PSMA1: variants seen among roughly 807,000 people sequenced by gnomAD.
PSMA1 encodes proteasome subunit alpha type-1.
In PSMA1, 3 loss-of-function variants were observed where a neutral mutation model predicts 38.4. The ratio of observed to expected loss-of-function variants is 0.08; its 90% confidence interval spans 0.04 to 0.20. PSMA1 has a LOEUF of 0.20. Ranked by LOEUF, PSMA1 falls within the 10% of genes least tolerant of loss-of-function variation. The pLI is 1.00. For missense variants in PSMA1, 227 were observed against 325.3 expected, an observed-to-expected ratio of 0.70 and a Z score of 2.32; for synonymous variants, 101 against 107.1, an observed-to-expected ratio of 0.94 and a Z score of 0.35.
upstream of PSMA1, among the ~76,000 whole-genome samples, chr11:14,521,481 G>A (rs1851528862): frequency 7.4e-6 from 1 of 134,740 alleles, no homozygotes; most frequent in African/African-American, 2.7e-5. Flanking sequence ...GGGCAATAGA[G>A]ATTCTGTTTC....
chr11:14,541,727 G>A (rs1439563922), intron 2 of PSMA1, among the ~76,000 whole-genome samples: 6 of 152,330 alleles, frequency 3.9e-5, no homozygotes, highest in Admixed American at 3.9e-4. Flanking sequence ...TGATAAGGGA[G>A]TAGGACTGTT....
intron 2 of PSMA1, among the ~76,000 whole-genome samples, chr11:14,529,541 C>T (rs1851623194): frequency 6.6e-6 from 1 of 152,200 alleles, no homozygotes; most frequent in South Asian, 2.1e-4. Flanking sequence ...TTCCTTCCTT[C>T]TTTCAAGTTC....
In PSMA1 at chr11:14,612,340, TGTA is replaced by T. The variant is rs764477993; in HGVS notation, c.-165-1192_-165-1190del. On this transcript the variant is annotated intron_variant, in intron 1 of 10. Coordinates refer to the PSMA1 transcript ENST00000418988. Reference sequence around the variant, plus strand: ...CACAATTCTCATAAGATGTTGAAATTGTAGTATGTATTGATTCATAAGTCAGTT... The same window carrying T: ...CACAATTCTCATAAGATGTTGAAATTGTATGTATTGATTCATAAGTCAGTT... Among the ~76,000 whole-genome samples, 76 of 152,344 alleles carry T rather than the reference TGTA, an allele frequency of 5.0e-4. No individual in the cohort carries two copies. In the Middle Eastern group the frequency reaches 0.01, roughly 20 times the overall value.
chr11:14,529,121 CAAAAAAAAAAA>C (rs34346829), intron 2 of PSMA1, among the ~76,000 whole-genome samples: 1 of 56,970 alleles, frequency 1.8e-5, no homozygotes, highest in Admixed American at 2.0e-4. Context: ...GACCCTGTCT[CAAAAAAAAAAA>C]AAAAAAAAAT....
chr11:14,601,625 C>T (rs1852580917), intron 2 of PSMA1, among the ~76,000 whole-genome samples: 1 of 152,170 alleles, frequency 6.6e-6, no homozygotes, highest in Non-Finnish European at 1.5e-5. Flanking sequence ...TGTCTACATG[C>T]TCACTTTGGG....
At chr11:14,574,593 T>C (rs1305235743) in intron 2 of PSMA1, among the ~76,000 whole-genome samples, 4 of 152,178 alleles carry the variant, frequency 2.6e-5, no homozygotes, top group East Asian at 3.9e-4. Flanking sequence ...TGGGAGGTAA[T>C]TGAATGATGG....
chr11:14,637,248 C>T (rs1853121960), intron 1 of PSMA1, among the ~76,000 whole-genome samples: 1 of 152,158 alleles, frequency 6.6e-6, no homozygotes, highest in African/African-American at 2.4e-5. Context: ...CATGGCTTTG[C>T]AATACTGTTC....
chr11:14,540,945 G>T (rs973689801), intron 2 of PSMA1, among the ~76,000 whole-genome samples: 2 of 151,914 alleles, frequency 1.3e-5, no homozygotes, highest in East Asian at 1.9e-4. Flanking sequence ...GTTGTGGGGT[G>T]GGGGGAGGAG....
At chr11:14,630,023 A>G (rs1174611066) in intron 1 of PSMA1, among the ~76,000 whole-genome samples, 1 of 151,826 alleles carries the variant, frequency 6.6e-6, no homozygotes, top group Non-Finnish European at 1.5e-5. Flanking sequence ...TTGTATCCTG[A>G]GACTTTGCTG....
chr11:14,640,399 T>A (rs1181506390), intron 1 of PSMA1, among the ~76,000 whole-genome samples: 1 of 152,262 alleles, frequency 6.6e-6, no homozygotes, highest in Non-Finnish European at 1.5e-5. Context: ...CTTAATCACA[T>A]ATTTATTCTT....
intron 2 of PSMA1, among the ~76,000 whole-genome samples, chr11:14,547,800 G>C (rs1280030610): frequency 1.3e-5 from 2 of 152,210 alleles, no homozygotes; most frequent in Non-Finnish European, 2.9e-5. Context: ...AAACAGGCAA[G>C]AGAGCAGACA....
chr11:14,577,598 C>T (rs964913691), intron 2 of PSMA1, among the ~76,000 whole-genome samples: 7 of 152,138 alleles, frequency 4.6e-5, no homozygotes, highest in African/African-American at 1.7e-4. Flanking sequence ...GTAATAATAG[C>T]ATTTATATAG....
intron 1 of PSMA1, among the ~76,000 whole-genome samples, chr11:14,632,497 C>T (rs1307002709): frequency 6.8e-6 from 1 of 146,394 alleles, no homozygotes; most frequent in African/African-American, 2.6e-5. Flanking sequence ...TATTGGCCCC[C>T]ACTCTCTTCT....
At chr11:14,514,579 C>A in intron 4 of PSMA1, 88 bp from the exon 5 acceptor site, 1 of 1,014,144 alleles carries the variant, frequency 9.9e-7, no homozygotes, top group Non-Finnish European at 1.4e-6. Flanking sequence ...CAAATTCTTC[C>A]AAGCGTTTAC....
chr11:14,539,389 G>C (rs1389248179), intron 2 of PSMA1, among the ~76,000 whole-genome samples: 1 of 151,718 alleles, frequency 6.6e-6, no homozygotes, highest in Admixed American at 6.6e-5. Flanking sequence ...ACAAATCCAG[G>C]CCAACATAAA....
chr11:14,512,225 T>C (rs1851356158), intron 7 of PSMA1, among the ~76,000 whole-genome samples: 1 of 151,930 alleles, frequency 6.6e-6, no homozygotes, highest in African/African-American at 2.4e-5. Flanking sequence ...AAATACAAAA[T>C]TAGCCAGGCG....
intron 2 of PSMA1, among the ~76,000 whole-genome samples, chr11:14,575,387 C>T (rs1852199838): frequency 6.6e-6 from 1 of 152,032 alleles, no homozygotes; most frequent in Non-Finnish European, 1.5e-5. Context: ...TTAGGTATAT[C>T]TCCTAATGCT....
At chr11:14,554,587 T>G (rs1851922471) in intron 2 of PSMA1, among the ~76,000 whole-genome samples, 1 of 151,986 alleles carries the variant, frequency 6.6e-6, no homozygotes, top group Non-Finnish European at 1.5e-5. Context: ...TCCATTGAAT[T>G]TTTTTTTGCA....
At chr11:14,581,485 T>G (rs1484862384) in intron 2 of PSMA1, among the ~76,000 whole-genome samples, 1 of 152,162 alleles carries the variant, frequency 6.6e-6, no homozygotes, top group Non-Finnish European at 1.5e-5. Context: ...CTTTTGAGAT[T>G]CAGATGGGCT....
Sources: allele counts gnomAD v4.1 joint callset (sites outside exome capture counted in the v4.1 genomes callset), GRCh38; gene constraint gnomAD v4.1.1; transcripts MANE v1.5; gene names NCBI Gene and HGNC (gene_info 2026-07-23, HGNC 2026-07-21).